SULT1E1: variants seen among roughly 807,000 people sequenced by gnomAD.
The protein encoded by SULT1E1 is sulfotransferase family 1E member 1, also known as sulfotransferase 1E1.
In SULT1E1, 36 loss-of-function variants were observed where a neutral mutation model predicts 33.6. The observed-to-expected ratio is 1.07, with a 90% confidence interval of 0.82 to 1.41. The LOEUF is 1.41. Among genes scored for constraint, SULT1E1 ranks in the 40% most tolerant of loss-of-function variants. The pLI is 0.00. For synonymous variants in SULT1E1, 121 were observed against 111.7 expected, an observed-to-expected ratio of 1.08 and a Z score of -0.53; for missense variants, 371 against 345.7, an observed-to-expected ratio of 1.07 and a Z score of -0.58.
In SULT1E1 at chr4:69,844,210, T is replaced by C. The variant is rs1390320107; in HGVS notation, c.723A>G (p.Thr241=). ...TCTGGTTCATAATTTCGTCTGGCAG[T>C]GTTGTGTAATTTGTGGATGGATTGT... The part of the protein sequence containing the change: ...MKNNPSTNYT[T]LPDEIMNQKL... The change falls in exon 7 of 8, where the codon ACA becomes ACG. Residue 241 remains threonine, a synonymous_variant. Coordinates refer to ENST00000226444, the MANE Select transcript of SULT1E1 (RefSeq NM_005420.3). 1 of 1,613,986 alleles carries C rather than the reference T, an allele frequency of 6.2e-7. No individual in the cohort carries two copies. Among genetic ancestry groups the C allele is most frequent in the Non-Finnish European group, 8.5e-7 (1 of 1,179,928 alleles).
In SULT1E1 at chr4:69,846,981, A is replaced by G. The variant is rs368929800; in HGVS notation, c.591+717T>C. ...TTTGAGTTGATATATGTGAGACATT[A>G]TCACTGTATCTTATATACCAAAAAC... is the stretch of plus-strand genomic sequence containing the variant. On this transcript the variant is annotated intron_variant, in intron 6 of 7. Coordinates refer to ENST00000226444, the MANE Select transcript of SULT1E1 (RefSeq NM_005420.3). Among the ~76,000 whole-genome samples, 16 of 151,882 alleles carry G rather than the reference A, an allele frequency of 1.1e-4. No homozygotes were observed. In the East Asian group the frequency reaches 2.9e-3, roughly 27 times the overall value.
chr4:69,836,049 T>C, the SULT1E1 span, among the ~76,000 whole-genome samples: 17,575 of 152,232 alleles, frequency 0.12, 1,144 homozygotes, highest in Middle Eastern at 0.18. Context: ...ATATGCAGTA[T>C]GCTGTTTGGC....
chr4:69,854,073 C>A (rs552320504), intron 4 of SULT1E1, 144 bp downstream of exon 4: 75 of 511,380 alleles, frequency 1.5e-4, no homozygotes, highest in Non-Finnish European at 2.4e-4. Context: ...GACTCTCTGA[C>A]AATATTGACT....
downstream of SULT1E1, among the ~76,000 whole-genome samples, chr4:69,837,569 G>T (rs963866375): frequency 1.3e-5 from 2 of 152,178 alleles, no homozygotes; most frequent in East Asian, 3.9e-4. Context: ...TTATTGTACA[G>T]ATTGATAAAC....
Position 69,860,048 on chromosome 4 carries a change from C to A in SULT1E1, c.-10+1G>T, listed in dbSNP as rs973744320. Reference sequence around the variant, plus strand: ...TGATATTAATAATAAAAAAGTACAACCTGTTTAGTTGATCCTGTGAAAGAA... The same window carrying A: ...TGATATTAATAATAAAAAAGTACAAACTGTTTAGTTGATCCTGTGAAAGAA... On this transcript the variant is annotated splice_donor_variant, in intron 1 of 7. Transcript: ENST00000226444. LOFTEE classifies it low-confidence loss of function (5UTR_SPLICE). The A allele has an allele frequency of 6.6e-6, 1 of 151,792 alleles. No individual in the cohort carries two copies. The allele number at this position is 151,792 out of a possible 1,614,324, so 9.4% of individuals were successfully genotyped here.
At chr4:69,855,533 T>C (rs1010996443) in intron 2 of SULT1E1, 107 bp from the exon 3 acceptor site, 2 of 1,105,286 alleles carry the variant, frequency 1.8e-6, no homozygotes, top group Non-Finnish European at 2.5e-6. Context: ...TGCAATACTA[T>C]TTAAAGGGTG....
At chr4:69,845,967 G>A (rs1435551288) in intron 6 of SULT1E1, among the ~76,000 whole-genome samples, 1 of 150,410 alleles carries the variant, frequency 6.6e-6, no homozygotes, top group Non-Finnish European at 1.5e-5. Context: ...TTAAATAAAT[G>A]CTCACCAAAA....
chr4:69,854,442 A>G (rs985348260), intron 3 of SULT1E1, 128 bp from the exon 4 acceptor site: 2 of 603,724 alleles, frequency 3.3e-6, no homozygotes, highest in Non-Finnish European at 5.4e-6. Flanking sequence ...TGTGTAACAC[A>G]AAGTATAAAT....
chr4:69,828,050 G>A, the SULT1E1 span, among the ~76,000 whole-genome samples: 1 of 152,220 alleles, frequency 6.6e-6, no homozygotes, highest in Non-Finnish European at 1.5e-5. Flanking sequence ...CAACAGGACT[G>A]AGGATGCTTG....
intron 7 of SULT1E1, among the ~76,000 whole-genome samples, chr4:69,842,915 C>T (rs1030800648): frequency 2.6e-5 from 4 of 151,722 alleles, no homozygotes; most frequent in East Asian, 1.9e-4. Context: ...CTGCTCACTG[C>T]AAGCTCCACC....
intron 6 of SULT1E1, among the ~76,000 whole-genome samples, chr4:69,846,862 G>A (rs1720987778): frequency 6.6e-6 from 1 of 151,590 alleles, no homozygotes; most frequent in Admixed American, 6.6e-5. Flanking sequence ...TAACAATAAA[G>A]CTGAAGAAAA....
At chr4:69,856,284 A>G (rs1421840661) in intron 2 of SULT1E1, among the ~76,000 whole-genome samples, 1 of 152,206 alleles carries the variant, frequency 6.6e-6, no homozygotes, top group Admixed American at 6.5e-5. Context: ...AGTTCACACT[A>G]AAGAGTCCAA....
the SULT1E1 span, among the ~76,000 whole-genome samples, chr4:69,824,845 A>T: frequency 6.6e-6 from 1 of 152,184 alleles, no homozygotes; most frequent in Non-Finnish European, 1.5e-5. Context: ...AGGGAATAAA[A>T]GCTGGCCACC....
intron 4 of SULT1E1, among the ~76,000 whole-genome samples, chr4:69,851,216 A>G (rs1000943816): frequency 2.6e-5 from 4 of 152,180 alleles, no homozygotes; most frequent in African/African-American, 7.2e-5. Context: ...AATTTTTGCA[A>G]TCTACTTATC....
At chr4:69,835,200 C>A in the SULT1E1 span, among the ~76,000 whole-genome samples, 1 of 152,194 alleles carries the variant, frequency 6.6e-6, no homozygotes, top group Non-Finnish European at 1.5e-5. Flanking sequence ...GTTTCCATAT[C>A]ACTTTCCCTA....
At chr4:69,838,185 G>C (rs1486308163), downstream of SULT1E1, among the ~76,000 whole-genome samples, 4 of 152,026 alleles carry the variant, frequency 2.6e-5, no homozygotes, top group East Asian at 3.9e-4. Context: ...GTCAGTCTTT[G>C]TAGAGGTTTA....
intron 7 of SULT1E1, among the ~76,000 whole-genome samples, chr4:69,843,656 T>TC (rs1560553870): frequency 6.6e-6 from 1 of 152,216 alleles, no homozygotes; most frequent in African/African-American, 2.4e-5. Context: ...AGAATTTTTT[T>TC]CTCCTTATAT....
At chr4:69,845,485 A>G (rs1720954965) in intron 6 of SULT1E1, among the ~76,000 whole-genome samples, 1 of 151,510 alleles carries the variant, frequency 6.6e-6, no homozygotes. Flanking sequence ...CACAAGAAAA[A>G]AGATTATATG....
intron 4 of SULT1E1, among the ~76,000 whole-genome samples, chr4:69,852,264 A>C (rs1721140021): frequency 6.6e-6 from 1 of 152,134 alleles, no homozygotes; most frequent in Admixed American, 6.5e-5. Flanking sequence ...TTCACTCTCC[A>C]TTCAAATTCT....
Sources: gnomAD v4.1 joint callset for allele counts (sites outside exome capture counted in the v4.1 genomes callset) on GRCh38, gnomAD v4.1.1 for gene constraint, MANE v1.5 for transcripts, NCBI Gene and HGNC (gene_info 2026-07-23, HGNC 2026-07-21) for gene names.